POLK: variants seen among roughly 807,000 people sequenced by gnomAD.
POLK encodes polymerase (DNA directed) kappa.
POLK carries 76 observed loss-of-function variants against 94.0 expected under a neutral mutation model. The observed-to-expected ratio is 0.81, with a 90% CI of 0.67 to 0.98. POLK has a LOEUF of 0.98. Ranked by LOEUF, POLK falls within the 50% of genes least tolerant of loss-of-function variation. The pLI is 0.00. For missense variants in POLK, 954 were observed against 1,010.1 expected, an observed-to-expected ratio of 0.94 and a Z score of 0.75; for synonymous variants, 349 against 325.4, an observed-to-expected ratio of 1.07 and a Z score of -0.78.
chr5:75,587,872 C>CA (rs201438842), intron 10 of POLK, among the ~76,000 whole-genome samples: 1,794 of 152,152 alleles, frequency 0.012, 35 homozygotes, highest in African/African-American at 0.042. Context: ...GCTGAGATGG[C>CA]ACCACTCACT....
At chr5:75,542,596 T>C (rs1234707140) in intron 1 of POLK, among the ~76,000 whole-genome samples, 1 of 151,120 alleles carries the variant, frequency 6.6e-6, no homozygotes, top group East Asian at 1.9e-4. Flanking sequence ...TATGTGTGTG[T>C]GTGTATATAC....
intron 1 of POLK, among the ~76,000 whole-genome samples, chr5:75,530,510 C>T (rs1308218327): frequency 2.8e-5 from 4 of 144,966 alleles, no homozygotes; most frequent in African/African-American, 1.0e-4. Context: ...GTTCAAGCGA[C>T]TCTGTCAGCC....
At chr5:75,590,413 T>C in exon 11 of POLK, 1 of 1,609,044 alleles carries the variant, frequency 6.2e-7, no homozygotes, top group Non-Finnish European at 8.5e-7. Context: ...GTGAGCTTGC[T>C]CAGGATCTAC....
upstream of POLK, chr5:75,511,039 C>G: frequency 1.4e-6 from 2 of 1,452,240 alleles, no homozygotes; most frequent in Non-Finnish European, 1.8e-6. Context: ...CCAGCCCCAC[C>G]CCACCGCCTC....
chr5:75,542,770 T>G (rs942555526), intron 1 of POLK, among the ~76,000 whole-genome samples: 135 of 149,510 alleles, frequency 9.0e-4, no homozygotes, highest in Non-Finnish European at 1.5e-4. Flanking sequence ...TGATCTCGGC[T>G]CACTGCAACC....
intron 1 of POLK, among the ~76,000 whole-genome samples, chr5:75,545,197 A>G (rs1292810284): frequency 1.3e-5 from 2 of 152,208 alleles, no homozygotes; most frequent in Non-Finnish European, 2.9e-5. Flanking sequence ...AATTCTTTTT[A>G]TTCTTTGCTG....
At chr5:75,562,790 C>T (rs889265393) in intron 3 of POLK, among the ~76,000 whole-genome samples, 2 of 152,174 alleles carry the variant, frequency 1.3e-5, no homozygotes, top group African/African-American at 4.8e-5. Flanking sequence ...GTCATTGGTT[C>T]TGTTTATGTG....
chr5:75,586,710 G>A (rs1391723253), intron 9 of POLK, among the ~76,000 whole-genome samples: 9 of 152,054 alleles, frequency 5.9e-5, no homozygotes, highest in Admixed American at 2.6e-4. Context: ...AAGATATTAC[G>A]CTATCACTTC....
At chr5:75,511,027 C>T (rs1174431823), upstream of POLK, 1 of 1,438,214 alleles carries the variant, frequency 7.0e-7, no homozygotes, top group Non-Finnish European at 9.1e-7. Context: ...CCGCGCCTCC[C>T]GCCAGCCCCA....
intron 6 of POLK, 130 bp from the exon 7 acceptor site, chr5:75,581,079 A>T: frequency 1.6e-6 from 1 of 618,346 alleles, no homozygotes; most frequent in Non-Finnish European, 2.8e-6. Flanking sequence ...GGCATTTCTG[A>T]TCTTGGATCC....
chr5:75,545,613 T>C (rs1363773397), intron 1 of POLK, among the ~76,000 whole-genome samples: 1 of 152,220 alleles, frequency 6.6e-6, no homozygotes, highest in Non-Finnish European at 1.5e-5. Context: ...TAAATAATTA[T>C]TATCTGAAAG....
intron 4 of POLK, among the ~76,000 whole-genome samples, chr5:75,570,168 A>G (rs1044633405): frequency 2.6e-5 from 4 of 152,216 alleles, no homozygotes; most frequent in African/African-American, 7.2e-5. Context: ...AAGGTTAGGA[A>G]CTGCTGCTTT....
rs190877440 is a variant in POLK, at chr5:75,542,702, T to C, written c.-13-4308T>C. ...ATATATATACATATATGTATATATA[T>C]GTATTTTTTTTTTGAGGCGGAGTCT... On this transcript the variant is annotated intron_variant, in intron 1 of 14. Coordinates refer to ENST00000241436, the Ensembl canonical transcript of POLK. Among the ~76,000 whole-genome samples the C allele has an allele frequency of 7.6e-3, 1,124 of 147,426 alleles. 13 individuals are homozygous for C. Among genetic ancestry groups the C allele is most frequent in the African/African-American group, 0.027 (1,079 of 39,860 alleles).
chr5:75,537,155 A>G (rs2112593710), intron 1 of POLK, among the ~76,000 whole-genome samples: 1 of 152,340 alleles, frequency 6.6e-6, no homozygotes, highest in South Asian at 2.1e-4. Flanking sequence ...GGCGGCCTCT[A>G]TTGAGGCTAT....
At chr5:75,581,320 T>G in exon 7 of POLK, 2 of 1,613,944 alleles carry the variant, frequency 1.2e-6, no homozygotes, top group Admixed American at 1.7e-5. Context: ...CCTTTCCAAG[T>G]GAACTTTGAA....
intron 3 of POLK, among the ~76,000 whole-genome samples, chr5:75,563,529 C>G (rs1238659018): frequency 6.6e-6 from 1 of 152,162 alleles, no homozygotes; most frequent in African/African-American, 2.4e-5. Flanking sequence ...CTCCTATGGG[C>G]ATTTAGTGCT....
intron 9 of POLK, among the ~76,000 whole-genome samples, chr5:75,586,079 A>AT (rs1046925881): frequency 6.6e-6 from 1 of 152,118 alleles, no homozygotes; most frequent in Non-Finnish European, 1.5e-5. Context: ...TAATCCAAAA[A>AT]TTTTTTTATT....
intron 1 of POLK, 83 bp from the exon 2 acceptor site, chr5:75,546,927 A>G (rs1050441248): frequency 1.6e-6 from 1 of 607,892 alleles, no homozygotes; most frequent in East Asian, 3.2e-5. Flanking sequence ...TCGGCCTCCC[A>G]AAGTGCTAGG....
At chr5:75,519,542 T>C (rs1305727695) in intron 1 of POLK, among the ~76,000 whole-genome samples, 1 of 152,240 alleles carries the variant, frequency 6.6e-6, no homozygotes, top group Non-Finnish European at 1.5e-5. Flanking sequence ...AATATTTGCT[T>C]TATAGACTTG....
Sources: allele counts gnomAD v4.1 joint callset (sites outside exome capture counted in the v4.1 genomes callset), GRCh38; gene constraint gnomAD v4.1.1; transcripts MANE v1.5; gene names NCBI Gene and HGNC (gene_info 2026-07-23, HGNC 2026-07-21).